Variants in CABLES1 observed in about 807,000 individuals in gnomAD.
CABLES1 encodes CDK5 and ABL1 enzyme substrate 1.
CABLES1 carries 36 observed loss-of-function variants against 57.8 expected under a neutral mutation model. The observed-to-expected ratio is 0.62, with a 90% confidence interval of 0.48 to 0.82. The LOEUF (loss-of-function observed/expected upper bound fraction) is 0.82. Ranked by LOEUF, CABLES1 falls within the 40% of genes least tolerant of loss-of-function variation. The probability of loss-of-function intolerance (pLI) is 0.00; values close to 1 mark genes in which losing one functional copy is unlikely to be tolerated. For synonymous variants in CABLES1, 374 were observed against 363.0 expected (o/e 1.03, Z -0.35); for missense variants, 767 against 836.6 (o/e 0.92, Z 1.03).
At chr18:23,147,951 A>G (rs1255695554) in intron 1 of CABLES1, among the ~76,000 whole-genome samples, 4 of 141,054 alleles carry the variant, frequency 2.8e-5, no homozygotes, top group African/African-American at 1.1e-4. Context: ...CCCTCATTCC[A>G]TGGTCTGCGT....
intron 1 of CABLES1, among the ~76,000 whole-genome samples, chr18:23,187,346 A>G (rs2047210196): frequency 6.6e-6 from 1 of 152,176 alleles, no homozygotes; most frequent in African/African-American, 2.4e-5. Flanking sequence ...AGAGTGTTCT[A>G]TGTTCTGCTG....
intron 3 of CABLES1, among the ~76,000 whole-genome samples, chr18:23,202,984 CAAAA>C (rs34495738): frequency 2.6e-5 from 3 of 115,306 alleles, no homozygotes; most frequent in Admixed American, 8.4e-5. Context: ...AAGACTCCAT[CAAAA>C]AAAAAAAAAA....
chr18:23,196,926 T>A (rs1395775325), intron 3 of CABLES1: 1 of 152,054 alleles, frequency 6.6e-6, no homozygotes, highest in African/African-American at 2.4e-5. Context: ...GCTGATTTGC[T>A]CTTCTGACCC....
intron 7 of CABLES1, among the ~76,000 whole-genome samples, chr18:23,245,821 C>G (rs1198710321): frequency 6.6e-6 from 1 of 152,242 alleles, no homozygotes; most frequent in Admixed American, 6.5e-5. Flanking sequence ...AGTGACCTCT[C>G]GCTCCATGAG....
chr18:23,196,453 A>G (rs1016233751), intron 3 of CABLES1, among the ~76,000 whole-genome samples: 2 of 152,194 alleles, frequency 1.3e-5, no homozygotes, highest in African/African-American at 4.8e-5. Flanking sequence ...TAGACAGATG[A>G]AAGTGAGAGC....
At chr18:23,219,050 C>A in intron 4 of CABLES1, 1 of 384,830 alleles carries the variant, frequency 2.6e-6, no homozygotes. Flanking sequence ...TATCCCCACC[C>A]CCCCGCAAGT....
intron 7 of CABLES1, among the ~76,000 whole-genome samples, chr18:23,239,945 C>T (rs1354216825): frequency 6.6e-6 from 1 of 152,118 alleles, no homozygotes. Flanking sequence ...TGGTAAAACC[C>T]CATCTCTACT....
intron 7 of CABLES1, among the ~76,000 whole-genome samples, chr18:23,248,530 TTTTTTTTTA>T (rs1307394032): frequency 1.7e-4 from 24 of 138,264 alleles, no homozygotes; most frequent in African/African-American, 6.1e-4. Flanking sequence ...TTTTTTTTTT[TTTTTTTTTA>T]AAAAAAGGCT....
At chr18:23,221,753 G>T (rs2047488977) in intron 4 of CABLES1, among the ~76,000 whole-genome samples, 1 of 152,194 alleles carries the variant, frequency 6.6e-6, no homozygotes, top group Non-Finnish European at 1.5e-5. Context: ...CCCTGTGGGA[G>T]CCTGGAAAAT....
At chr18:23,140,266 A>G (rs1205603966) in intron 1 of CABLES1, among the ~76,000 whole-genome samples, 2 of 152,022 alleles carry the variant, frequency 1.3e-5, no homozygotes, top group African/African-American at 2.4e-5. Flanking sequence ...CACTTCAAAA[A>G]CTTCCTTGCA....
intron 9 of CABLES1, among the ~76,000 whole-genome samples, chr18:23,256,907 T>C (rs1402969615): frequency 6.6e-6 from 1 of 152,262 alleles, no homozygotes; most frequent in Non-Finnish European, 1.5e-5. Context: ...CTAAGCTCTC[T>C]GACTTCTTGG....
At chr18:23,209,801 A>AGAG (rs1427855934) in intron 3 of CABLES1, among the ~76,000 whole-genome samples, 1 of 74,876 alleles carries the variant, frequency 1.3e-5, no homozygotes, top group South Asian at 4.2e-4. Context: ...GTGGCTGGTG[A>AGAG]GAGACATTGC....
intron 1 of CABLES1, among the ~76,000 whole-genome samples, chr18:23,160,504 C>A (rs1007154435): frequency 6.6e-6 from 1 of 152,158 alleles, no homozygotes; most frequent in Non-Finnish European, 1.5e-5. Flanking sequence ...CACGGCCCGC[C>A]TATTAGTCCA....
At chr18:23,245,894 C>T (rs1248029934) in intron 7 of CABLES1, among the ~76,000 whole-genome samples, 1 of 152,244 alleles carries the variant, frequency 6.6e-6, no homozygotes, top group Non-Finnish European at 1.5e-5. Context: ...CCCCATCCAT[C>T]ACACAGCCTG....
At chr18:23,245,488 T>G (rs548306811) in intron 7 of CABLES1, among the ~76,000 whole-genome samples, 1 of 144,406 alleles carries the variant, frequency 6.9e-6, no homozygotes, top group Non-Finnish European at 1.5e-5. Flanking sequence ...GGCAACAGAG[T>G]CACCCATCCT....
intron 1 of CABLES1, among the ~76,000 whole-genome samples, chr18:23,184,591 T>A (rs1374700425): frequency 6.6e-6 from 1 of 152,000 alleles, no homozygotes; most frequent in East Asian, 1.9e-4. Flanking sequence ...TAATCCCAGC[T>A]ACTCGAGAGG....
intron 1 of CABLES1, among the ~76,000 whole-genome samples, chr18:23,182,465 T>C (rs947329610): frequency 7.2e-5 from 11 of 152,208 alleles, no homozygotes; most frequent in African/African-American, 1.2e-4. Context: ...ACACTGGAGC[T>C]ATTCAATGGG....
At chr18:23,247,497 G>A (rs563006988) in intron 7 of CABLES1, among the ~76,000 whole-genome samples, 8 of 152,350 alleles carry the variant, frequency 5.3e-5, no homozygotes, top group Non-Finnish European at 7.3e-5. Flanking sequence ...TGCCTGGTCC[G>A]CTGTGGCAGT....
In CABLES1 at chr18:23,214,052, C is replaced by A; in HGVS notation, c.1086C>A (p.Val362=). The change falls in exon 4 of 10, where the codon GTC becomes GTA. Residue 362 remains valine (V), a splice_region_variant and synonymous_variant. Coordinates refer to ENST00000256925, the MANE Select transcript of CABLES1 (RefSeq NM_001100619.3). ...SVLPYRDSTQ[V]GDLKLDGGRQ... ...TGCCGTATCGCGACAGTACCCAAGT[C>A]GGGTATGTATATGCATGCATGCTTT... is the stretch of plus-strand genomic sequence containing the variant. 1 of 1,608,872 alleles carries A rather than the reference C, an allele frequency of 6.2e-7. No individual in the cohort carries two copies. Among genetic ancestry groups the A allele is most frequent in the Non-Finnish European group, 8.5e-7 (1 of 1,175,728 alleles).
Sources: allele counts gnomAD v4.1 joint callset (sites outside exome capture counted in the v4.1 genomes callset), GRCh38; gene constraint gnomAD v4.1.1; transcripts MANE v1.5; gene names NCBI Gene and HGNC (gene_info 2026-07-23, HGNC 2026-07-21).